NPSR1: variants seen among roughly 807,000 people sequenced by gnomAD.
NPSR1 encodes neuropeptide S receptor.
A neutral mutation model predicts 46.9 loss-of-function variants in NPSR1; 48 were observed. The ratio of observed to expected loss-of-function variants is 1.02; its 90% CI spans 0.81 to 1.30. The LOEUF (loss-of-function observed/expected upper bound fraction) is 1.30. NPSR1 is among the 50% of genes most tolerant of loss of function. The pLI, the probability that NPSR1 is intolerant of heterozygous loss-of-function variation, is 0.00. For synonymous variants in NPSR1, 176 were observed against 168.1 expected (o/e 1.05, Z -0.36); for missense variants, 450 against 449.5 (o/e 1.00, Z -0.01).
At chr7:34,736,553 C>T (rs1784673737) in intron 2 of NPSR1, among the ~76,000 whole-genome samples, 1 of 152,110 alleles carries the variant, frequency 6.6e-6, no homozygotes, top group Non-Finnish European at 1.5e-5. Flanking sequence ...CACATGCACA[C>T]ACACACCCTA....
At chr7:34,703,336 C>A (rs993789916) in intron 2 of NPSR1, among the ~76,000 whole-genome samples, 14 of 152,172 alleles carry the variant, frequency 9.2e-5, no homozygotes, top group East Asian at 5.8e-4. Flanking sequence ...GCGCCACTGC[C>A]CTCCAGCCTG....
intron 3 of NPSR1, among the ~76,000 whole-genome samples, chr7:34,779,260 A>G (rs1417208689): frequency 6.6e-6 from 1 of 151,976 alleles, no homozygotes; most frequent in Non-Finnish European, 1.5e-5. Context: ...TTTATAATAT[A>G]GATTTAGACA....
intron 1 of NPSR1, among the ~76,000 whole-genome samples, chr7:34,681,595 C>A (rs1386236214): frequency 6.6e-6 from 1 of 152,146 alleles, no homozygotes; most frequent in African/African-American, 2.4e-5. Flanking sequence ...CCTAGCAGTG[C>A]CAAAGACATG....
chr7:34,855,097 A>G (rs778878190), intron 8 of NPSR1, among the ~76,000 whole-genome samples: 3 of 152,228 alleles, frequency 2.0e-5, no homozygotes, highest in Non-Finnish European at 4.4e-5. Context: ...AATGTTAATG[A>G]AAGTATTATG....
intron 1 of NPSR1, among the ~76,000 whole-genome samples, chr7:34,679,622 C>T (rs1242915844): frequency 6.6e-6 from 1 of 151,946 alleles, no homozygotes; most frequent in East Asian, 1.9e-4. Flanking sequence ...TATTCTGGGC[C>T]TGCTAGTTCG....
chr7:34,742,736 G>A (rs2128719770), intron 2 of NPSR1, among the ~76,000 whole-genome samples: 1 of 152,154 alleles, frequency 6.6e-6, no homozygotes. Flanking sequence ...TCTTTGAATG[G>A]CAATACTGCA....
Position 34,658,535 on chromosome 7 carries a change from G to A in NPSR1, c.123G>A (p.Trp41Ter). 1 of 1,614,018 alleles carries A rather than the reference G, an allele frequency of 6.2e-7. No individual in the cohort carries two copies. The part of the protein sequence containing the change: ...TFTEVVEGKE[W>*]GSFYYSFKTE... ...CTGAAGTGGTGGAAGGAAAGGAATG[G>A]GGTTCCTTCTACTACTCCTTTAAGG... is the stretch of plus-strand genomic sequence containing the variant. Residue 41 changes from tryptophan to a stop codon, truncating the protein, a stop_gained, in exon 1 of 9, where the codon TGG (tryptophan) becomes TGA (stop). Transcript: ENST00000360581. LOFTEE classifies it high-confidence loss of function.
chr7:34,733,430 A>AG (rs1412981272), intron 2 of NPSR1, among the ~76,000 whole-genome samples: 2 of 149,276 alleles, frequency 1.3e-5, no homozygotes, highest in African/African-American at 2.6e-5. Flanking sequence ...AAAAAAAAAA[A>AG]AAAAGAAAAA....
intron 2 of NPSR1, among the ~76,000 whole-genome samples, chr7:34,766,419 T>C (rs1353503395): frequency 6.6e-6 from 1 of 152,218 alleles, no homozygotes; most frequent in Non-Finnish European, 1.5e-5. Context: ...TATATCAGCC[T>C]TGTTTGAAAT....
chr7:34,724,379 C>T (rs1270169530), intron 2 of NPSR1, among the ~76,000 whole-genome samples: 1 of 152,220 alleles, frequency 6.6e-6, no homozygotes, highest in Non-Finnish European at 1.5e-5. Flanking sequence ...CATAAGCCCA[C>T]ATAGCTTTAC....
chr7:34,803,529 G>A (rs1788529909), intron 3 of NPSR1, among the ~76,000 whole-genome samples: 1 of 151,568 alleles, frequency 6.6e-6, no homozygotes, highest in African/African-American at 2.4e-5. Flanking sequence ...AGAACACATG[G>A]ACACAGGAAG....
chr7:34,663,432 T>C (rs1459253653), intron 1 of NPSR1, among the ~76,000 whole-genome samples: 1 of 152,084 alleles, frequency 6.6e-6, no homozygotes, highest in Non-Finnish European at 1.5e-5. Context: ...CCCTCTCTCA[T>C]CCCACATAGC....
At chr7:34,680,412 T>C (rs1792567517) in intron 1 of NPSR1, among the ~76,000 whole-genome samples, 1 of 152,088 alleles carries the variant, frequency 6.6e-6, no homozygotes, top group African/African-American at 2.4e-5. Flanking sequence ...TTTTAAAATA[T>C]AAAACACTTA....
At chr7:34,836,637 GAA>G (rs1301375645) in intron 6 of NPSR1, among the ~76,000 whole-genome samples, 28 of 146,656 alleles carry the variant, frequency 1.9e-4, no homozygotes, top group Middle Eastern at 3.6e-3. Flanking sequence ...AAGAAAGAAA[GAA>G]AGAAAGAGAA....
In NPSR1 at chr7:34,776,048, CTT is replaced by C. The variant is rs1368464885; in HGVS notation, c.281-2413_281-2412del. 5.3e-5 allele frequency among the ~76,000 whole-genome samples: 8 copies of C among 152,170 alleles called. No homozygotes were observed. In the South Asian group the frequency reaches 1.0e-3, roughly 20 times the overall value. ...TATTTGTATAGTTTCCAAAATTCCT[CTT>C]GTTATTGATTTCTAGTTTTATTCCA... On this transcript the variant is annotated intron_variant, in intron 2 of 8. Coordinates refer to ENST00000360581, the MANE Select transcript of NPSR1 (RefSeq NM_207172.2).
chr7:34,742,068 CT>C (rs766225945), intron 2 of NPSR1, among the ~76,000 whole-genome samples: 3 of 151,970 alleles, frequency 2.0e-5, no homozygotes, highest in African/African-American at 4.8e-5. Flanking sequence ...TTTTCACTTT[CT>C]TCTTCTCTAA....
intron 4 of NPSR1, among the ~76,000 whole-genome samples, chr7:34,822,940 C>T (rs1789626005): frequency 1.3e-5 from 2 of 151,838 alleles, no homozygotes; most frequent in South Asian, 4.2e-4. Context: ...AATAAATATC[C>T]ATAAACAAAC....
intron 2 of NPSR1, chr7:34,703,816 T>C (rs1250879333): frequency 7.4e-6 from 1 of 135,232 alleles, no homozygotes; most frequent in Non-Finnish European, 1.6e-5. Flanking sequence ...ATTATTCATT[T>C]ACCATCTTTA....
intron 2 of NPSR1, among the ~76,000 whole-genome samples, chr7:34,694,268 C>T (rs1793405807): frequency 6.6e-6 from 1 of 152,130 alleles, no homozygotes; most frequent in African/African-American, 2.4e-5. Flanking sequence ...TCTACAGACT[C>T]CAAAAGACTC....
Sources: allele counts gnomAD v4.1 joint callset (sites outside exome capture counted in the v4.1 genomes callset), GRCh38; gene constraint gnomAD v4.1.1; transcripts MANE v1.5; gene names NCBI Gene and HGNC (gene_info 2026-07-23, HGNC 2026-07-21).